Variants in LAMA3 observed in about 807,000 individuals in gnomAD.
The protein encoded by LAMA3 is laminin subunit alpha 3.
LAMA3 carries 281 observed loss-of-function variants against 402.0 expected under a neutral mutation model. The observed-to-expected ratio is 0.70, with a 90% CI of 0.63 to 0.77. The LOEUF (loss-of-function observed/expected upper bound fraction) is 0.77. Among genes scored for constraint, LAMA3 ranks in the 30% least tolerant of loss-of-function variants. LAMA3 has a pLI of 0.00. For synonymous variants in LAMA3, 1,431 were observed against 1,558.4 expected (o/e 0.92, Z 1.93); for missense variants, 3,840 against 4,215.5 (o/e 0.91, Z 2.47).
intron 62 of LAMA3, among the ~76,000 whole-genome samples, chr18:23,924,614 G>A (rs1179481381): frequency 5.5e-5 from 8 of 146,542 alleles, no homozygotes; most frequent in Admixed American, 4.2e-4. Context: ...GCATAATCTC[G>A]GCTTACTGCA....
chr18:23,744,956 A>G (rs538375629), intron 2 of LAMA3, among the ~76,000 whole-genome samples: 27 of 152,210 alleles, frequency 1.8e-4, no homozygotes, highest in East Asian at 5.8e-4. Context: ...TAAATTCCGA[A>G]ATGGGAAAAT....
At chr18:23,735,199 C>T (rs1210312652) in intron 2 of LAMA3, among the ~76,000 whole-genome samples, 1 of 152,184 alleles carries the variant, frequency 6.6e-6, no homozygotes, top group African/African-American at 2.4e-5. Context: ...TTCTCTCTAC[C>T]CTGAACCAAA....
At chr18:23,735,932 G>A (rs1160452336) in intron 2 of LAMA3, among the ~76,000 whole-genome samples, 1 of 152,018 alleles carries the variant, frequency 6.6e-6, no homozygotes. Context: ...TCTAAGACCC[G>A]CTTCCCCAGA....
At chr18:23,822,824 A>G (rs2063312039) in intron 20 of LAMA3, among the ~76,000 whole-genome samples, 1 of 152,236 alleles carries the variant, frequency 6.6e-6, no homozygotes, top group South Asian at 2.1e-4. Flanking sequence ...GCTGTAAAGC[A>G]TGAAGCCCAA....
At chr18:23,913,403 T>A (rs1204584987) in intron 56 of LAMA3, among the ~76,000 whole-genome samples, 1 of 152,232 alleles carries the variant, frequency 6.6e-6, no homozygotes, top group African/African-American at 2.4e-5. Context: ...GCAGTTGCCC[T>A]GTCTCTTTAT....
chr18:23,735,729 C>T (rs1481565587), intron 2 of LAMA3, among the ~76,000 whole-genome samples: 1 of 152,100 alleles, frequency 6.6e-6, no homozygotes, highest in Non-Finnish European at 1.5e-5. Flanking sequence ...CAGAGCGTCC[C>T]CCTAGGCATG....
At chr18:23,777,658 G>A (rs1350723494) in intron 11 of LAMA3, 39 bp downstream of exon 11, 1 of 1,400,958 alleles carries the variant, frequency 7.1e-7, no homozygotes. Flanking sequence ...CAGTGAAAAT[G>A]TTATGCCCTT....
At chr18:23,925,085 C>T (rs1015457785) in intron 62 of LAMA3, among the ~76,000 whole-genome samples, 2 of 152,208 alleles carry the variant, frequency 1.3e-5, no homozygotes, top group African/African-American at 4.8e-5. Flanking sequence ...GGATAATCCA[C>T]AGCCAAGCTC....
intron 8 of LAMA3, among the ~76,000 whole-genome samples, chr18:23,768,381 T>C (rs1267871637): frequency 6.6e-6 from 1 of 152,128 alleles, no homozygotes; most frequent in Non-Finnish European, 1.5e-5. Flanking sequence ...AACAAACGTA[T>C]GAAAAAATGC....
At chr18:23,881,396 G>C (rs1274784975) in intron 39 of LAMA3, among the ~76,000 whole-genome samples, 1 of 152,068 alleles carries the variant, frequency 6.6e-6, no homozygotes, top group Non-Finnish European at 1.5e-5. Context: ...TCACTCTTCA[G>C]TATATCATTG....
At chr18:23,744,554 G>A (rs1165282652) in intron 2 of LAMA3, among the ~76,000 whole-genome samples, 5 of 152,148 alleles carry the variant, frequency 3.3e-5, no homozygotes, top group South Asian at 2.1e-4. Context: ...GAATCTGGCC[G>A]GGCACGGTGG....
chr18:23,911,972 T>C (rs995071096), intron 55 of LAMA3, among the ~76,000 whole-genome samples: 60 of 144,366 alleles, frequency 4.2e-4, no homozygotes, highest in Middle Eastern at 7.2e-3. Flanking sequence ...GCATTTATTA[T>C]ATATTTAATA....
chr18:23,704,507 C>T (rs770686144), intron 1 of LAMA3, among the ~76,000 whole-genome samples: 9 of 152,228 alleles, frequency 5.9e-5, no homozygotes, highest in Non-Finnish European at 7.3e-5. Context: ...ATAAAGTTCA[C>T]AGTGTTCTGG....
At chr18:23,934,512 G>A (rs2082256118) in intron 67 of LAMA3, among the ~76,000 whole-genome samples, 1 of 152,174 alleles carries the variant, frequency 6.6e-6, no homozygotes, top group African/African-American at 2.4e-5. Context: ...CTCCTTATTT[G>A]GAGGAGCAGA....
intron 33 of LAMA3, 38 bp from the exon 34 acceptor site, chr18:23,858,651 G>A: frequency 6.2e-7 from 1 of 1,612,984 alleles, no homozygotes; most frequent in Non-Finnish European, 8.5e-7. Context: ...GGAAATTTTG[G>A]AACACGTGAT....
chr18:23,787,494 T>G (rs1055653502), intron 12 of LAMA3, among the ~76,000 whole-genome samples: 2 of 152,004 alleles, frequency 1.3e-5, no homozygotes, highest in African/African-American at 4.8e-5. Flanking sequence ...TACAGAGGGA[T>G]CCACACAGCC....
intron 34 of LAMA3, among the ~76,000 whole-genome samples, chr18:23,860,261 C>CTTTTTTTTT (rs59852195): frequency 5.3e-5 from 6 of 112,648 alleles, no homozygotes; most frequent in Admixed American, 1.0e-4. Context: ...CTTTTCTTTT[C>CTTTTTTTTT]TTTTTTTTTT....
chr18:23,722,997 C>T (rs1180871300), intron 2 of LAMA3, among the ~76,000 whole-genome samples: 1 of 152,042 alleles, frequency 6.6e-6, no homozygotes, highest in Non-Finnish European at 1.5e-5. Context: ...GGGAGAGGAA[C>T]CAGAGCTTTA....
Position 23,927,202 on chromosome 18 carries a change from G to A in LAMA3, c.8178-921G>A, listed in dbSNP as rs185521924. Among the ~76,000 whole-genome samples, 150 of 152,234 alleles carry A rather than the reference G, an allele frequency of 9.9e-4. 1 individual carries two copies. Among genetic ancestry groups the A allele is most frequent in the African/African-American group, 3.5e-3 (146 of 41,548 alleles). On this transcript the variant is annotated intron_variant, in intron 62 of 74. Transcript: ENST00000313654. ...TTTTTGTTTTTTGAGGCAGAGTCTC[G>A]CTTTGTTGCCAGGCTGGAGTACAGT...
Sources: gnomAD v4.1 joint callset for allele counts (sites outside exome capture counted in the v4.1 genomes callset) on GRCh38, gnomAD v4.1.1 for gene constraint, MANE v1.5 for transcripts, NCBI Gene and HGNC (gene_info 2026-07-23, HGNC 2026-07-21) for gene names.